The following TIAM2 variants were observed in gnomAD, a reference collection of about 807,000 sequenced individuals.
The protein encoded by TIAM2 is TIAM Rac1 associated GEF 2, also known as rho guanine nucleotide exchange factor TIAM2.
A neutral mutation model predicts 152.9 loss-of-function variants in TIAM2; 80 were observed. The observed-to-expected ratio is 0.52, with a 90% confidence interval of 0.44 to 0.63. TIAM2 has a LOEUF of 0.63. Ranked by LOEUF, TIAM2 falls within the 30% of genes least tolerant of loss-of-function variation. TIAM2 has a pLI of 0.00. For missense variants in TIAM2, 1,965 were observed against 2,120.1 expected, an observed-to-expected ratio of 0.93 and a Z score of 1.44; for synonymous variants, 804 against 838.0, an observed-to-expected ratio of 0.96 and a Z score of 0.70.
chr6:155,072,524 C>A (rs1187569097), intron 1 of TIAM2, among the ~76,000 whole-genome samples: 1 of 152,054 alleles, frequency 6.6e-6, no homozygotes, highest in Non-Finnish European at 1.5e-5. Flanking sequence ...ACAGAGGCAC[C>A]ATTATCCTGG....
intron 1 of TIAM2, among the ~76,000 whole-genome samples, chr6:154,997,233 G>C (rs1385798210): frequency 6.6e-6 from 1 of 152,320 alleles, no homozygotes; most frequent in East Asian, 1.9e-4. Context: ...TAATGTGTCA[G>C]TCAAATACCT....
At chr6:155,184,972 G>C (rs905779618) in intron 14 of TIAM2, among the ~76,000 whole-genome samples, 1 of 151,996 alleles carries the variant, frequency 6.6e-6, no homozygotes, top group South Asian at 2.1e-4. Context: ...GTGTCCATTT[G>C]TTGGATTCAT....
chr6:155,176,500 C>T (rs1780761139), intron 9 of TIAM2, among the ~76,000 whole-genome samples: 1 of 152,246 alleles, frequency 6.6e-6, no homozygotes, highest in South Asian at 2.1e-4. Context: ...TCCCAAAGTG[C>T]TGGGATTACA....
rs560344242 is a variant in TIAM2, at chr6:155,191,861, C to A, written c.3064+8361C>A. 5.3e-5 allele frequency among the ~76,000 whole-genome samples: 8 copies of A among 152,096 alleles called. No homozygotes were observed. In the East Asian group the frequency reaches 1.5e-3, roughly 29 times the overall value. ...GGGGTATTTTTCTGCCTTGTTTTTA[C>A]TCCATTGTCTTAGTACATGGCTATG... is the stretch of plus-strand genomic sequence containing the variant. On this transcript the variant is annotated intron_variant, in intron 14 of 26. Coordinates refer to ENST00000682666, the MANE Select transcript of TIAM2 (RefSeq NM_012454.4).
chr6:155,249,953 G>C lies in TIAM2; in HGVS notation c.3935G>C (p.Ser1312Thr), dbSNP rs538539818. The change falls in exon 21 of 27, where the codon AGC becomes ACC. Residue 1312 changes from serine (S) to threonine (T), a missense_variant. Physicochemically the swap from Ser to Thr is moderately conservative, Grantham distance 58. This residue lies in a region of TIAM2 where 935 missense variants were observed against 980.0 expected (regional missense o/e 0.95). Coordinates refer to ENST00000682666, the MANE Select transcript of TIAM2 (RefSeq NM_012454.4). ...TVFDQLVAEQ[S>T]GTEKEVTELS... ...TTTGACCAGCTAGTAGCTGAGCAGAGCGGAACAGAGAAGGAGGTCCGTGAG... is the reference window on the plus strand; with the variant it reads ...TTTGACCAGCTAGTAGCTGAGCAGACCGGAACAGAGAAGGAGGTCCGTGAG... The C allele has an allele frequency of 8.7e-6, 14 of 1,613,462 alleles. No homozygotes were observed. The highest frequency in any genetic ancestry group is 1.3e-5 in the African/African-American group (1 of 74,918).
At chr6:155,107,714 C>T (rs1778731658) in intron 2 of TIAM2, among the ~76,000 whole-genome samples, 1 of 152,090 alleles carries the variant, frequency 6.6e-6, no homozygotes, top group African/African-American at 2.4e-5. Context: ...TTGTCTTAAA[C>T]TTTATGAAAA....
In TIAM2 at chr6:155,257,533, T is replaced by C; in HGVS notation, c.*412T>C. ...CTTTATTTAAAGCATATTTAAGTTA[T>C]TTTAATGTGGTTTAGGGGCAAAATG... On this transcript the variant is annotated 3_prime_UTR_variant, in exon 27 of 27. Coordinates refer to ENST00000682666, the MANE Select transcript of TIAM2 (RefSeq NM_012454.4). 1 of 374,820 alleles carries C rather than the reference T, an allele frequency of 2.7e-6. No individual in the cohort carries two copies. The highest frequency in any genetic ancestry group is 4.8e-6 in the Non-Finnish European group (1 of 208,770). The allele number at this position is 374,820 out of a possible 1,614,324, so 23.2% of individuals were successfully genotyped here.
At chr6:155,181,731 T>C (rs1780908132) in intron 12 of TIAM2, among the ~76,000 whole-genome samples, 1 of 152,244 alleles carries the variant, frequency 6.6e-6, no homozygotes, top group South Asian at 2.1e-4. Flanking sequence ...TCTACCTCTC[T>C]GAAGTTGACT....
At chr6:155,224,888 C>T (rs1425820400) in intron 15 of TIAM2, among the ~76,000 whole-genome samples, 1 of 152,202 alleles carries the variant, frequency 6.6e-6, no homozygotes, top group African/African-American at 2.4e-5. Context: ...ATGCTGCATG[C>T]CTGGAGGAGT....
rs1583157851 is a variant in TIAM2, at chr6:155,028,386, TATATACTACATATATATACTGTGTTAC to T, written c.-209+32909_-209+32935del. Among the ~76,000 whole-genome samples the T allele has an allele frequency of 2.9e-5, 3 of 103,104 alleles. No individual in the cohort carries two copies. In the East Asian group the frequency reaches 6.6e-4, roughly 23 times the overall value. The allele number at this position is 103,104 out of a possible 152,430, so 67.6% of individuals were successfully genotyped here. On this transcript the variant is annotated intron_variant, in intron 1 of 26. Transcript: ENST00000682666. ...CATATAATATATATACTGTGTTACA[TATATACTACATATATATACTGTGTTAC>T]ATATACTACATATAATATATATACT...
At chr6:155,195,592 G>A (rs1003326480) in intron 14 of TIAM2, among the ~76,000 whole-genome samples, 2 of 152,166 alleles carry the variant, frequency 1.3e-5, no homozygotes, top group Admixed American at 6.5e-5. Context: ...TACAGAGTAA[G>A]CGGGAACCTC....
At chr6:155,003,194 T>G (rs1279941358) in intron 1 of TIAM2, among the ~76,000 whole-genome samples, 1 of 152,098 alleles carries the variant, frequency 6.6e-6, no homozygotes, top group Non-Finnish European at 1.5e-5. Context: ...TGCTGAAAGT[T>G]AAAATACATA....
At position 155,137,580 on chromosome 6, in the gene TIAM2, G is replaced by A. The variant is rs1201596251; in HGVS notation, c.1598G>A (p.Arg533Lys). The A allele has an allele frequency of 1.2e-6, 2 of 1,606,430 alleles. No individual in the cohort carries two copies. Among genetic ancestry groups the A allele is most frequent in the Admixed American group, 3.3e-5 (2 of 59,850 alleles). ...AGGAAGCTTGAGCTGGTGGCACGAA[G>A]GAAATGGAAACAGTACTGGGTAACG... ...KERKLELVARRKWKQYWVTLK... is the reference protein window; with the variant it reads ...KERKLELVARKKWKQYWVTLK... Residue 533 changes from arginine to lysine, a missense_variant, in exon 5 of 27, where the codon AGG becomes AAG. Transcript: ENST00000682666.
intron 15 of TIAM2, among the ~76,000 whole-genome samples, chr6:155,231,938 A>G (rs1782494057): frequency 6.6e-6 from 1 of 152,206 alleles, no homozygotes; most frequent in African/African-American, 2.4e-5. Flanking sequence ...AAGATTAGCC[A>G]GGCTTGGTGG....
intron 2 of TIAM2, among the ~76,000 whole-genome samples, chr6:155,094,929 T>C (rs945314682): frequency 1.3e-5 from 2 of 151,974 alleles, no homozygotes; most frequent in Non-Finnish European, 2.9e-5. Context: ...GTGTGACCCC[T>C]AATCTGGACA....
rs560907715 is a variant in TIAM2, at chr6:155,183,107, C to G, written c.2801-130C>G. The G allele has an allele frequency of 3.3e-6, 4 of 1,228,500 alleles. No individual in the cohort carries two copies. The South Asian group carries it at 6.3e-5, about 19-fold the overall frequency. The allele number at this position is 1,228,500 out of a possible 1,614,324, so 76.1% of individuals were successfully genotyped here. Reference sequence around the variant, plus strand: ...TGCCACTGTGCCTGGCTGGCACTTTCTTTGAAGAAAGCAACAAACAAAACA... The same window carrying G: ...TGCCACTGTGCCTGGCTGGCACTTTGTTTGAAGAAAGCAACAAACAAAACA... On this transcript the variant is annotated intron_variant, in intron 13 of 26. Coordinates refer to ENST00000682666, the MANE Select transcript of TIAM2 (RefSeq NM_012454.4).
chr6:155,117,567 C>T (rs1185554584), intron 2 of TIAM2, among the ~76,000 whole-genome samples: 1 of 152,150 alleles, frequency 6.6e-6, no homozygotes, highest in Non-Finnish European at 1.5e-5. Context: ...CTCAGCCTCC[C>T]GAGTAGCTGG....
At chr6:155,181,175 G>A (rs936097875) in intron 12 of TIAM2, among the ~76,000 whole-genome samples, 2 of 152,164 alleles carry the variant, frequency 1.3e-5, no homozygotes, top group Admixed American at 1.3e-4. Flanking sequence ...AGAACTCTCC[G>A]TATTAGGGGA....
Position 155,178,434 on chromosome 6 carries a change from G to A in TIAM2, c.2524-605G>A, listed in dbSNP as rs554896760. Among the ~76,000 whole-genome samples, 11 of 152,194 alleles carry A rather than the reference G, an allele frequency of 7.2e-5. No individual in the cohort carries two copies. In the South Asian group the frequency reaches 2.1e-3, roughly 29 times the overall value. ...GAGATGGCATTTGCTGAGCTGATAA[G>A]ATTTATTTTACTGTCAGATATGTTC... On this transcript the variant is annotated intron_variant, in intron 10 of 26. Transcript: ENST00000682666.
Sources: gnomAD v4.1 joint callset for allele counts (sites outside exome capture counted in the v4.1 genomes callset) on GRCh38, gnomAD v4.1.1 for gene constraint, gnomAD v4.1.1 regional missense constraint, MANE v1.5 for transcripts, NCBI Gene and HGNC (gene_info 2026-07-23, HGNC 2026-07-21) for gene names.